RGPD2: variants seen among roughly 807,000 people sequenced by gnomAD.
The protein encoded by RGPD2 is RANBP2 like and GRIP domain containing 2, also known as RANBP2-like and GRIP domain-containing protein 2.
RGPD2 carries 2 observed loss-of-function variants against 36.0 expected under a neutral mutation model. The observed-to-expected ratio is 0.06, with a 90% CI of 0.02 to 0.17. The LOEUF is 0.17. RGPD2 is among the 10% of genes least tolerant of loss of function. The probability of loss-of-function intolerance (pLI) is 1.00; values close to 1 mark genes in which losing one functional copy is unlikely to be tolerated. For synonymous variants in RGPD2, 19 were observed against 163.8 expected (o/e 0.12, Z 6.75); for missense variants, 40 against 464.3 (o/e 0.09, Z 8.40).
chr2:87,905,753 CAT>C, the RGPD2 span, among the ~76,000 whole-genome samples: 3 of 124,538 alleles, frequency 2.4e-5, no homozygotes, highest in African/African-American at 8.6e-5. Flanking sequence ...TATATATAAA[CAT>C]AATGAACCTC....
rs1300874858 is a variant in RGPD2 at position 87,823,635 on chromosome 2, C to CA, written c.72+2022dup. Reference sequence around the variant, plus strand: ...TAGGCCATAGAGCGAGACTCTGTCTCAAAAAAAAAAAAGAAAACAAAATGT... The same window carrying CA: ...TAGGCCATAGAGCGAGACTCTGTCTCAAAAAAAAAAAAAGAAAACAAAATGT... On this transcript the variant is annotated intron_variant, in intron 1 of 22. Coordinates refer to ENST00000398146, the MANE Select transcript of RGPD2 (RefSeq NM_001078170.3). Among the ~76,000 whole-genome samples, 145 of 60,316 alleles carry CA rather than the reference C, an allele frequency of 2.4e-3. 1 individual carries two copies. The highest frequency in any genetic ancestry group is 6.0e-3 in the African/African-American group (79 of 13,148). 39.6% of individuals were successfully genotyped at this position (60,316 alleles called of 152,430 possible). A position where few individuals can be genotyped will look rare whatever the true frequency, so the allele number is the denominator to read the frequency against.
At chr2:87,884,908 G>C in the RGPD2 span, among the ~76,000 whole-genome samples, 4 of 152,146 alleles carry the variant, frequency 2.6e-5, no homozygotes, top group African/African-American at 9.6e-5. Context: ...AAAAATTGAA[G>C]AGAAAAAGAG....
the RGPD2 span, among the ~76,000 whole-genome samples, chr2:87,857,222 T>C: frequency 6.6e-6 from 1 of 152,374 alleles, no homozygotes; most frequent in East Asian, 1.9e-4. Context: ...AGGAAAATTA[T>C]GCACATTTTA....
At chr2:87,897,047 G>A in the RGPD2 span, among the ~76,000 whole-genome samples, 3 of 152,294 alleles carry the variant, frequency 2.0e-5, no homozygotes, top group African/African-American at 4.8e-5. Context: ...CGCATGAAAA[G>A]CCAGTTAAAG....
chr2:87,870,254 C>T, the RGPD2 span, among the ~76,000 whole-genome samples: 1 of 152,262 alleles, frequency 6.6e-6, no homozygotes, highest in Non-Finnish European at 1.5e-5. Context: ...TAGTAAAGGG[C>T]CAGGTTGGGA....
the RGPD2 span, among the ~76,000 whole-genome samples, chr2:87,930,688 T>C: frequency 7.9e-5 from 12 of 151,098 alleles, no homozygotes; most frequent in Non-Finnish European, 1.8e-4. Context: ...TCAATTCCTC[T>C]GATCCTGGGC....
chr2:87,973,270 C>G, the RGPD2 span, among the ~76,000 whole-genome samples: 1 of 148,724 alleles, frequency 6.7e-6, no homozygotes, highest in Non-Finnish European at 1.5e-5. Flanking sequence ...CCCCACACCC[C>G]CCTCCTGCCG....
chr2:87,841,629 G>T, the RGPD2 span, among the ~76,000 whole-genome samples: 1 of 151,610 alleles, frequency 6.6e-6, no homozygotes. Context: ...TCTACCAGAG[G>T]TACAAGAAGG....
At chr2:87,882,565 G>T in the RGPD2 span, among the ~76,000 whole-genome samples, 3 of 152,188 alleles carry the variant, frequency 2.0e-5, no homozygotes, top group Non-Finnish European at 2.9e-5. Context: ...GGTCAAGATT[G>T]CTTTGAGTAT....
At chr2:87,885,561 A>C in the RGPD2 span, among the ~76,000 whole-genome samples, 8 of 150,894 alleles carry the variant, frequency 5.3e-5, no homozygotes, top group East Asian at 1.9e-4. Context: ...AAGTAAAATT[A>C]TCTCTGTTTC....
At chr2:87,876,567 A>G in the RGPD2 span, among the ~76,000 whole-genome samples, 4 of 152,302 alleles carry the variant, frequency 2.6e-5, no homozygotes, top group African/African-American at 9.6e-5. Context: ...TTAAGTTCAA[A>G]TTTGATTGCA....
chr2:87,841,798 C>A, the RGPD2 span, among the ~76,000 whole-genome samples: 1 of 143,780 alleles, frequency 7.0e-6, no homozygotes, highest in East Asian at 2.0e-4. Flanking sequence ...AATATTGATG[C>A]AAAAATCCTC....
At chr2:87,875,888 T>A in the RGPD2 span, among the ~76,000 whole-genome samples, 1 of 152,194 alleles carries the variant, frequency 6.6e-6, no homozygotes, top group Non-Finnish European at 1.5e-5. Flanking sequence ...GGCTTTATTT[T>A]AGAACAATTT....
chr2:87,938,090 G>A, the RGPD2 span, among the ~76,000 whole-genome samples: 3 of 151,694 alleles, frequency 2.0e-5, no homozygotes, highest in African/African-American at 4.8e-5. Flanking sequence ...GGTCAACAGA[G>A]CAGTAGCCGA....
At chr2:87,881,912 T>A in the RGPD2 span, among the ~76,000 whole-genome samples, 1 of 152,044 alleles carries the variant, frequency 6.6e-6, no homozygotes, top group Non-Finnish European at 1.5e-5. Context: ...TATGCTCAAC[T>A]TCTCATGAGG....
At chr2:87,922,832 G>C in the RGPD2 span, among the ~76,000 whole-genome samples, 3 of 152,192 alleles carry the variant, frequency 2.0e-5, no homozygotes, top group Non-Finnish European at 4.4e-5. Context: ...AAATAAGATA[G>C]CAGGGTGCAT....
At chr2:87,842,769 A>C in the RGPD2 span, among the ~76,000 whole-genome samples, 1 of 152,034 alleles carries the variant, frequency 6.6e-6, no homozygotes, top group Non-Finnish European at 1.5e-5. Flanking sequence ...CCTAAGCCAA[A>C]AGAACAAAGC....
At chr2:87,943,437 A>G in the RGPD2 span, among the ~76,000 whole-genome samples, 1 of 151,904 alleles carries the variant, frequency 6.6e-6, no homozygotes, top group Non-Finnish European at 1.5e-5. Context: ...CTATTTTGTA[A>G]TGAGAATTTT....
the RGPD2 span, among the ~76,000 whole-genome samples, chr2:87,877,474 C>T: frequency 5.1e-4 from 78 of 152,212 alleles, no homozygotes; most frequent in South Asian, 0.016. Context: ...TTAGTTTTGC[C>T]AGGTACAAAA....
Sources: gnomAD v4.1 joint callset for allele counts (sites outside exome capture counted in the v4.1 genomes callset) on GRCh38, gnomAD v4.1.1 for gene constraint, MANE v1.5 for transcripts, NCBI Gene and HGNC (gene_info 2026-07-23, HGNC 2026-07-21) for gene names.